The following ATP6V1G1 variants were observed in gnomAD, a reference collection of about 807,000 sequenced individuals.
ATP6V1G1 encodes the protein V-type proton ATPase subunit G 1.
ATP6V1G1 carries 14 observed loss-of-function variants against 14.2 expected under a neutral mutation model. The observed-to-expected ratio is 0.99, with a 90% CI of 0.65 to 1.55. The LOEUF is 1.55. Ranked by LOEUF, ATP6V1G1 falls within the 40% of genes most tolerant of loss-of-function variation. The probability of loss-of-function intolerance (pLI) is 0.00; values close to 1 mark genes in which losing one functional copy is unlikely to be tolerated. For missense variants in ATP6V1G1, 137 were observed against 146.4 expected, an observed-to-expected ratio of 0.94 and a Z score of 0.33; for synonymous variants, 65 against 53.3, an observed-to-expected ratio of 1.22 and a Z score of -0.96.
At chr9:114,592,845 C>T (rs890312099) in intron 2 of ATP6V1G1, among the ~76,000 whole-genome samples, 193 bp downstream of exon 2, 12 of 152,172 alleles carry the variant, frequency 7.9e-5, no homozygotes, top group African/African-American at 2.9e-4. Context: ...TTCTAATTTT[C>T]ATTTATTCAC....
rs1235438346 is a variant in ATP6V1G1, at chr9:114,587,858, G to T, written c.20G>T (p.Gly7Val). Residue 7 changes from glycine (G) to valine (V), a missense_variant, in exon 1 of 3, where the codon GGG becomes GTG. Physicochemically the swap from Gly to Val is moderately radical, Grantham distance 109. Transcript: ENST00000374050. ...GCCGCCATGGCTAGTCAGTCTCAGG[G>T]GATTCAGCAGCTGCTGCAGGCCGAG... is the stretch of plus-strand genomic sequence containing the variant. Reference protein sequence around the residue: MASQSQGIQQLLQAEKR... With the variant: MASQSQVIQQLLQAEKR... 6.3e-7 allele frequency: 1 copy of T among 1,594,388 alleles called. No individual in the cohort carries two copies.
chr9:114,597,803 T>G lies in ATP6V1G1; in HGVS notation c.*60T>G. The G allele has an allele frequency of 7.1e-7, 1 of 1,404,402 alleles. No homozygotes were observed. Among genetic ancestry groups the G allele is most frequent in the Non-Finnish European group, 9.4e-7 (1 of 1,064,782 alleles). The allele number at this position is 1,404,402 out of a possible 1,614,324, so 87.0% of individuals were successfully genotyped here. On this transcript the variant is annotated 3_prime_UTR_variant, in exon 3 of 3. Transcript: ENST00000374050. The stretch of plus-strand genomic sequence containing the variant: ...TAGATGCCCTCACGAATATGAAGCT[T>G]AGCACAGCTCTAGTTACATTCTTAT...
chr9:114,597,135 C>G (rs1047256204), intron 2 of ATP6V1G1, among the ~76,000 whole-genome samples: 10 of 151,572 alleles, frequency 6.6e-5, no homozygotes, highest in African/African-American at 2.4e-4. Flanking sequence ...GGACTACAGG[C>G]GCCCGCTACC....
rs1286495538 is a variant in ATP6V1G1, at chr9:114,594,296, C to T, written c.183+1644C>T. On this transcript the variant is annotated intron_variant, in intron 2 of 2. Transcript: ENST00000374050. ...GTTGGTCAGGCTTGTCTTGAACTCC[C>T]GACCGCAGGTGATCTGCCTGCCCCG... Among the ~76,000 whole-genome samples, 8 of 151,594 alleles carry T rather than the reference C, an allele frequency of 5.3e-5. No individual in the cohort carries two copies. The East Asian group carries it at 1.2e-3, about 22-fold the overall frequency.
At chr9:114,596,504 T>C (rs1011594653) in intron 2 of ATP6V1G1, among the ~76,000 whole-genome samples, 24 of 152,180 alleles carry the variant, frequency 1.6e-4, no homozygotes, top group African/African-American at 5.8e-4. Flanking sequence ...TTTATTCTTC[T>C]AGAATATTTA....
chr9:114,594,379 CTTTTTTT>C (rs770844786), intron 2 of ATP6V1G1, among the ~76,000 whole-genome samples: 5 of 140,794 alleles, frequency 3.6e-5, no homozygotes, highest in African/African-American at 1.3e-4. Context: ...CCCCCCGCCC[CTTTTTTT>C]TTTTTTTTCC....
intron 1 of ATP6V1G1, among the ~76,000 whole-genome samples, chr9:114,591,029 T>C (rs1845177641): frequency 6.6e-6 from 1 of 151,746 alleles, no homozygotes; most frequent in African/African-American, 2.4e-5. Context: ...CTCCTGACCT[T>C]GTGATCTGCT....
intron 2 of ATP6V1G1, among the ~76,000 whole-genome samples, chr9:114,595,271 G>A (rs1423736595): frequency 2.0e-5 from 3 of 152,116 alleles, no homozygotes; most frequent in Non-Finnish European, 2.9e-5. Flanking sequence ...CAGGTAATGG[G>A]GTTCTGAACA....
chr9:114,597,030 G>A (rs535877457), intron 2 of ATP6V1G1, among the ~76,000 whole-genome samples: 113 of 126,874 alleles, frequency 8.9e-4, no homozygotes, highest in Non-Finnish European at 1.5e-3. Flanking sequence ...TCGCTCTGTC[G>A]CCCAGGCTGG....
intron 1 of ATP6V1G1, 118 bp from the exon 2 acceptor site, chr9:114,592,434 A>T (rs141470687): frequency 1.0e-6 from 1 of 1,001,000 alleles, no homozygotes; most frequent in South Asian, 1.6e-5. Context: ...TCCCATGCAC[A>T]TCTCTTCGGA....
At chr9:114,592,473 G>A (rs564466398) in intron 1 of ATP6V1G1, 79 bp from the exon 2 acceptor site, 2 of 1,343,496 alleles carry the variant, frequency 1.5e-6, no homozygotes, top group South Asian at 1.3e-5. Context: ...TTGGCTTATT[G>A]TTATAATATA....
At position 114,587,780 on chromosome 9, in the gene ATP6V1G1, C is replaced by G. The variant is rs1845136489; in HGVS notation, c.-59C>G. The G allele has an allele frequency of 8.5e-6, 13 of 1,527,564 alleles. No homozygotes were observed. The highest frequency in any genetic ancestry group is 1.4e-5 in the African/African-American group (1 of 72,716). 94.6% of individuals were successfully genotyped at this position (1,527,564 alleles called of 1,614,324 possible). ...GATTGTGGGCGGCTGTGTCAGCTGA[C>G]CCAAGGGGCCTTCGAGGTGCCTTAG... On this transcript the variant is annotated 5_prime_UTR_variant, in exon 1 of 3. Transcript: ENST00000374050.
chr9:114,592,681 T>C lies in ATP6V1G1; in HGVS notation c.183+29T>C, dbSNP rs973097717. On this transcript the variant is annotated intron_variant, in intron 2 of 2. Transcript: ENST00000374050. ...GGGCACCATTTGTTTTTGTTACTGCTTTAGTTTCTGATCCCCTGTCCCGCC... is the reference window on the plus strand; with the variant it reads ...GGGCACCATTTGTTTTTGTTACTGCCTTAGTTTCTGATCCCCTGTCCCGCC... 1.5e-5 allele frequency: 23 copies of C among 1,550,960 alleles called. 2 individuals are homozygous for C. Among genetic ancestry groups the C allele is most frequent in the African/African-American group, 1.4e-5 (1 of 73,274 alleles).
intron 1 of ATP6V1G1, among the ~76,000 whole-genome samples, chr9:114,589,295 A>G (rs1845160388): frequency 6.6e-6 from 1 of 152,224 alleles, no homozygotes; most frequent in African/African-American, 2.4e-5. Flanking sequence ...AACTTTATGT[A>G]TCCAGTTTCC....
chr9:114,587,849 A>C lies in ATP6V1G1; in HGVS notation c.11A>C (p.Gln4Pro), dbSNP rs1215471730. 1.3e-6 allele frequency: 2 copies of C among 1,592,484 alleles called. No homozygotes were observed. Among genetic ancestry groups the C allele is most frequent in the Non-Finnish European group, 1.7e-6 (2 of 1,170,008 alleles). ...AGAATCGCTGCCGCCATGGCTAGTC[A>C]GTCTCAGGGGATTCAGCAGCTGCTG... MAS[Q>P]SQGIQQLLQA... The change falls in exon 1 of 3, where the codon CAG becomes CCG. Residue 4 changes from glutamine (Q) to proline (P), a missense_variant. By Grantham distance (76) the Gln-to-Pro change is moderately conservative. Coordinates refer to ENST00000374050, the MANE Select transcript of ATP6V1G1 (RefSeq NM_004888.4).
intron 2 of ATP6V1G1, 158 bp downstream of exon 2, chr9:114,592,810 G>T: frequency 1.4e-6 from 1 of 703,340 alleles, no homozygotes; most frequent in Non-Finnish European, 2.4e-6. Flanking sequence ...CTTTTAGGAT[G>T]ATCAGTTTTT....
chr9:114,594,210 C>T (rs1379930179), intron 2 of ATP6V1G1, among the ~76,000 whole-genome samples: 1 of 151,940 alleles, frequency 6.6e-6, no homozygotes, highest in Non-Finnish European at 1.5e-5. Flanking sequence ...GCTGAAATTG[C>T]AGGCATGCGC....
intron 1 of ATP6V1G1, among the ~76,000 whole-genome samples, chr9:114,591,478 T>C (rs1183619159): frequency 6.6e-6 from 1 of 152,142 alleles, no homozygotes; most frequent in Admixed American, 6.5e-5. Flanking sequence ...AGGATTGGGG[T>C]ACAGGTGGCC....
intron 2 of ATP6V1G1, among the ~76,000 whole-genome samples, chr9:114,594,920 C>T (rs544460291): frequency 2.1e-5 from 3 of 144,686 alleles, no homozygotes; most frequent in Middle Eastern, 3.9e-3. Context: ...AGTGCAATGG[C>T]GCGATCTTGG....
Sources: gnomAD v4.1 joint callset for allele counts (sites outside exome capture counted in the v4.1 genomes callset) on GRCh38, gnomAD v4.1.1 for gene constraint, MANE v1.5 for transcripts, NCBI Gene and HGNC (gene_info 2026-07-23, HGNC 2026-07-21) for gene names.